SGSM2: variants seen among roughly 807,000 people sequenced by gnomAD.
SGSM2 encodes the protein RUN and TBC1 domain containing 1.
In SGSM2, 89 loss-of-function variants were observed where a neutral mutation model predicts 126.6. That is an observed-to-expected ratio of 0.70 (90% CI 0.59 to 0.84). SGSM2 has a LOEUF of 0.84. SGSM2 is among the 40% of genes least tolerant of loss of function. The pLI, the probability that SGSM2 is intolerant of heterozygous loss-of-function variation, is 0.00. For missense variants in SGSM2, 1,404 were observed against 1,416.6 expected (o/e 0.99, Z 0.14); for synonymous variants, 614 against 574.3 (o/e 1.07, Z -0.99).
At chr17:2,348,864 C>A (rs527947989) in intron 2 of SGSM2, among the ~76,000 whole-genome samples, 1 of 152,092 alleles carries the variant, frequency 6.6e-6, no homozygotes, top group Non-Finnish European at 1.5e-5. Context: ...TGGGTTCAGG[C>A]GATCCTCTCA....
intron 2 of SGSM2, among the ~76,000 whole-genome samples, chr17:2,345,195 G>A (rs1317998992): frequency 6.6e-6 from 1 of 152,180 alleles, no homozygotes; most frequent in African/African-American, 2.4e-5. Flanking sequence ...GGGCACAGTG[G>A]CTCACGCCTG....
chr17:2,364,877 C>G lies in SGSM2; in HGVS notation c.1001-20C>G, dbSNP rs200651786. 232 of 1,604,988 alleles carry G rather than the reference C, an allele frequency of 1.4e-4. No individual in the cohort carries two copies. In the African/African-American group the frequency reaches 2.8e-3, roughly 19 times the overall value. ...AGCCGACGAGAGGGCCTCAGCCGCA[C>G]TCTCCACGTTCACCCCCAGAGAGCG... On this transcript the variant is annotated intron_variant, in intron 9 of 23. Coordinates refer to ENST00000268989, the MANE Select transcript of SGSM2 (RefSeq NM_014853.3).
chr17:2,372,902 G>A lies in SGSM2; in HGVS notation c.1789-51G>A, dbSNP rs1310299913. ...CCGTGGGATGGGGCTCACCCAGCTG[G>A]GCCACGGTGACTGTGGAGGCTGCAC... On this transcript the variant is annotated intron_variant, in intron 15 of 23. Coordinates refer to ENST00000268989, the MANE Select transcript of SGSM2 (RefSeq NM_014853.3). The surrounding 1 kb of genome is among the most constrained non-coding windows in gnomAD (Gnocchi z 6.0). 3.2e-6 allele frequency: 5 copies of A among 1,542,984 alleles called. No individual in the cohort carries two copies. Among genetic ancestry groups the A allele is most frequent in the Non-Finnish European group, 8.8e-7 (1 of 1,141,940 alleles).
intron 13 of SGSM2, chr17:2,371,753 G>A (rs867201451): frequency 5.2e-6 from 2 of 388,196 alleles, no homozygotes; most frequent in Non-Finnish European, 9.4e-6. Flanking sequence ...TCCCCTTCCC[G>A]ATGTGCACAC....
intron 2 of SGSM2, among the ~76,000 whole-genome samples, chr17:2,349,583 A>T (rs1183957087): frequency 8.5e-5 from 13 of 152,152 alleles, no homozygotes; most frequent in Admixed American, 8.5e-4. Flanking sequence ...TGTTTTTAAG[A>T]GTCCTCTTTC....
In SGSM2 at chr17:2,375,724, A is replaced by AGGAGGACGGCGGTGG; in HGVS notation, c.2340_2354dup (p.Asp780_Glu784dup). ...GAGGGGCAGAGCGTGGGCTTCGAAG[A>AGGAGGACGGCGGTGG]GGAGGACGGCGGTGGGGAGGAAGGC... On this transcript the variant is annotated inframe_insertion, in exon 18 of 24. Transcript: ENST00000268989. 6.2e-7 allele frequency: 1 copy of AGGAGGACGGCGGTGG among 1,610,352 alleles called. No homozygotes were observed. Among genetic ancestry groups the AGGAGGACGGCGGTGG allele is most frequent in the Non-Finnish European group, 8.5e-7 (1 of 1,177,374 alleles).
chr17:2,347,028 G>T (rs1270323881), intron 2 of SGSM2, among the ~76,000 whole-genome samples: 1 of 152,156 alleles, frequency 6.6e-6, no homozygotes, highest in Non-Finnish European at 1.5e-5. Context: ...GGTTGAGGCT[G>T]CAGTGAGCTA....
At position 2,372,411 on chromosome 17, in the gene SGSM2, A is replaced by G; in HGVS notation, c.1711A>G (p.Ile571Val). 6.3e-7 allele frequency: 1 copy of G among 1,597,820 alleles called. No homozygotes were observed. The highest frequency in any genetic ancestry group is 1.1e-5 in the South Asian group (1 of 88,946). The stretch of plus-strand genomic sequence containing the variant: ...GTCGGCGCTGGTGCACCATAGCGTT[A>G]TCCCACCTGACCGGCCCCCGGGGGC... ...HLSALVHHSV[I>V]PPDRPPGASA... Residue 571 changes from isoleucine (I) to valine (V), a missense_variant, in exon 15 of 24, where the codon ATC (isoleucine) becomes GTC (valine). Physicochemically the swap from Ile to Val is conservative, Grantham distance 29 (BLOSUM62 3). Transcript: ENST00000268989. The surrounding 1 kb of genome is among the most constrained non-coding windows in gnomAD (Gnocchi z 6.0).
intron 8 of SGSM2, 119 bp downstream of exon 8, chr17:2,364,302 C>A: frequency 2.3e-6 from 3 of 1,316,304 alleles, no homozygotes; most frequent in Non-Finnish European, 2.1e-6. Context: ...ATTTGGACGC[C>A]AAGAATAGCA....
At position 2,381,032 on chromosome 17, in the gene SGSM2, C is replaced by A. The variant is rs547211405; in HGVS notation, c.*1512C>A. 1 of 152,322 alleles carries A rather than the reference C, an allele frequency of 6.6e-6. No homozygotes were observed. The highest frequency in any genetic ancestry group is 1.5e-5 in the Non-Finnish European group (1 of 68,154). 9.4% of individuals were successfully genotyped at this position (152,322 alleles called of 1,614,324 possible). On this transcript the variant is annotated 3_prime_UTR_variant, in exon 24 of 24. Coordinates refer to ENST00000268989, the MANE Select transcript of SGSM2 (RefSeq NM_014853.3). ...AAACTATACTCTTCTGTGTAACAGA[C>A]CAATAAACAACATTTGTCAACACTG...
At chr17:2,338,104 G>T (rs2064167891) in intron 1 of SGSM2, among the ~76,000 whole-genome samples, 1 of 152,196 alleles carries the variant, frequency 6.6e-6, no homozygotes, top group African/African-American at 2.4e-5. Context: ...AGGGGGCGGG[G>T]CCCCGCGCGA....
rs1221209858 is a variant in SGSM2, at chr17:2,372,162, TC to T, written c.1578-25del. 17 of 1,612,670 alleles carry T rather than the reference TC, an allele frequency of 1.1e-5. No individual in the cohort carries two copies. Among genetic ancestry groups the T allele is most frequent in the Non-Finnish European group, 1.3e-5 (15 of 1,179,640 alleles). On this transcript the variant is annotated intron_variant, in intron 13 of 23. Transcript: ENST00000268989. The surrounding 1 kb of genome is among the most constrained non-coding windows in gnomAD (Gnocchi z 6.0). ...CTCCCACCAGAGGGGCCGCAGCCCCTCCCTGCTGAGCCCGGTTGTTGCCACA... is the reference window on the plus strand; with the variant it reads ...CTCCCACCAGAGGGGCCGCAGCCCCTCCTGCTGAGCCCGGTTGTTGCCACA...
At chr17:2,359,144 T>C (rs2065208324) in intron 2 of SGSM2, among the ~76,000 whole-genome samples, 1 of 152,174 alleles carries the variant, frequency 6.6e-6, no homozygotes, top group Non-Finnish European at 1.5e-5. Context: ...CCCAAAGTGC[T>C]GGGATTACAG....
intron 2 of SGSM2, among the ~76,000 whole-genome samples, chr17:2,344,325 T>A (rs1388731486): frequency 6.6e-6 from 1 of 152,208 alleles, no homozygotes; most frequent in Admixed American, 6.5e-5. Context: ...CTTCTTGGAT[T>A]TCTAGGAATT....
rs192077368 is a variant in SGSM2 at position 2,349,197 on chromosome 17, G to A, written c.133+5577G>A. On this transcript the variant is annotated intron_variant, in intron 2 of 23. Transcript: ENST00000268989. ...TCGAGACCAGCCTGGCCAAAATGGCGAAGCCCCATCTGTACTAAAAATACA... is the reference window on the plus strand; with the variant it reads ...TCGAGACCAGCCTGGCCAAAATGGCAAAGCCCCATCTGTACTAAAAATACA... 1.8e-3 allele frequency among the ~76,000 whole-genome samples: 268 copies of A among 152,104 alleles called. 1 individual carries two copies. The highest frequency in any genetic ancestry group is 5.9e-3 in the African/African-American group (244 of 41,540).
intron 22 of SGSM2, 116 bp from the exon 23 acceptor site, chr17:2,378,918 GCC>G: frequency 8.1e-7 from 1 of 1,230,382 alleles, no homozygotes; most frequent in South Asian, 1.5e-5. Flanking sequence ...ATCAGCCCCA[GCC>G]CCAGCCTCAG....
chr17:2,364,455 C>A, intron 8 of SGSM2, 141 bp from the exon 9 acceptor site: 1 of 932,412 alleles, frequency 1.1e-6, no homozygotes, highest in Non-Finnish European at 1.7e-6. Context: ...TCTCAGGGGT[C>A]ATGGCTGGCT....
At chr17:2,340,279 T>C (rs932627964) in intron 1 of SGSM2, among the ~76,000 whole-genome samples, 2 of 151,970 alleles carry the variant, frequency 1.3e-5, no homozygotes, top group African/African-American at 2.4e-5. Context: ...CACACCCAGC[T>C]AATTTTTCGT....
Position 2,362,865 on chromosome 17 carries a change from G to A in SGSM2, c.486G>A (p.Leu162=). 1 of 1,614,174 alleles carries A rather than the reference G, an allele frequency of 6.2e-7. No individual in the cohort carries two copies. The highest frequency in any genetic ancestry group is 1.1e-5 in the South Asian group (1 of 91,086). The change falls in exon 5 of 24, where the codon CTG becomes CTA. Residue 162 remains leucine, a synonymous_variant. Coordinates refer to ENST00000268989, the MANE Select transcript of SGSM2 (RefSeq NM_014853.3). The surrounding 1 kb of genome is among the most constrained non-coding windows in gnomAD (Gnocchi z 4.9). ...AGTACTACGAGAAGGAGGCACTGCT[G>A]GCAGACCCTGTGTTCGGCCCGATCC... ...CSKYYEKEAL[L]ADPVFGPILA...
Sources: gnomAD v4.1 joint callset for allele counts (sites outside exome capture counted in the v4.1 genomes callset) on GRCh38, gnomAD v4.1.1 for gene constraint, Gnocchi (gnomAD v3.1) non-coding constraint, MANE v1.5 for transcripts, NCBI Gene and HGNC (gene_info 2026-07-23, HGNC 2026-07-21) for gene names.